Variants in LRP1B observed in about 807,000 individuals in gnomAD.
LRP1B encodes LDL receptor related protein 1B.
A neutral mutation model predicts 556.6 loss-of-function variants in LRP1B; 217 were observed. That is an observed-to-expected ratio of 0.39 (90% CI 0.35 to 0.44). LRP1B has a LOEUF of 0.44. Among genes scored for constraint, LRP1B ranks in the 20% least tolerant of loss-of-function variants. The pLI is 1.00. For synonymous variants in LRP1B, 2,047 were observed against 1,865.8 expected, an observed-to-expected ratio of 1.10 and a Z score of -2.50; for missense variants, 5,053 against 5,620.8, an observed-to-expected ratio of 0.90 and a Z score of 3.23.
chr2:141,119,592 C>T (rs564870417), intron 7 of LRP1B, among the ~76,000 whole-genome samples: 1 of 151,898 alleles, frequency 6.6e-6, no homozygotes, highest in African/African-American at 2.4e-5. Context: ...GATCAAAGTA[C>T]TTTAGTGACA....
chr2:140,955,645 A>G (rs764958584), intron 18 of LRP1B, among the ~76,000 whole-genome samples: 1 of 151,826 alleles, frequency 6.6e-6, no homozygotes, highest in Non-Finnish European at 1.5e-5. Context: ...TACAGGTAGT[A>G]TGCTCAATTT....
chr2:141,312,281 A>T (rs1033755662), intron 3 of LRP1B, among the ~76,000 whole-genome samples: 1 of 152,156 alleles, frequency 6.6e-6, no homozygotes, highest in Non-Finnish European at 1.5e-5. Context: ...TGTGAAGATG[A>T]CAAGGATGAA....
At chr2:141,814,082 C>A (rs1696450179) in intron 1 of LRP1B, among the ~76,000 whole-genome samples, 1 of 152,076 alleles carries the variant, frequency 6.6e-6, no homozygotes, top group Admixed American at 6.6e-5. Flanking sequence ...TCACTTTATG[C>A]AAATTAAGAC....
At chr2:140,360,561 CT>C (rs1054576150) in intron 72 of LRP1B, among the ~76,000 whole-genome samples, 11 of 151,544 alleles carry the variant, frequency 7.3e-5, no homozygotes, top group African/African-American at 2.2e-4. Context: ...TTCTAATTAA[CT>C]TCAAAATCAC....
chr2:140,809,819 C>G (rs143653677), intron 32 of LRP1B, among the ~76,000 whole-genome samples: 1 of 152,124 alleles, frequency 6.6e-6, no homozygotes, highest in Non-Finnish European at 1.5e-5. Flanking sequence ...TTTCTTCCCA[C>G]GTGTACTTCT....
chr2:142,040,069 C>T (rs1472025790), intron 1 of LRP1B, among the ~76,000 whole-genome samples: 2 of 151,472 alleles, frequency 1.3e-5, no homozygotes, highest in African/African-American at 4.8e-5. Context: ...GTCTTCCCAA[C>T]ATTTCCTCTC....
chr2:140,844,825 AAC>A (rs1692226243), intron 29 of LRP1B, among the ~76,000 whole-genome samples: 1 of 152,200 alleles, frequency 6.6e-6, no homozygotes, highest in Non-Finnish European at 1.5e-5. Context: ...TCAACATGCT[AAC>A]ACACACTCAC....
intron 71 of LRP1B, among the ~76,000 whole-genome samples, chr2:140,370,240 A>T (rs1682936749): frequency 6.6e-6 from 1 of 152,036 alleles, no homozygotes; most frequent in Non-Finnish European, 1.5e-5. Context: ...AAGGAAATTT[A>T]GGGATTTGGG....
chr2:140,388,524 G>A (rs1683866309), intron 66 of LRP1B, among the ~76,000 whole-genome samples: 1 of 152,052 alleles, frequency 6.6e-6, no homozygotes, highest in African/African-American at 2.4e-5. Flanking sequence ...AAACAAGTTA[G>A]AGTTCATTGC....
At chr2:141,600,745 T>A (rs7589324) in intron 2 of LRP1B, among the ~76,000 whole-genome samples, 8,233 of 152,120 alleles carry the variant, frequency 0.054, 321 homozygotes, top group African/African-American at 0.1. Flanking sequence ...TGCAACTAGA[T>A]GGCCCTTTAC....
At position 140,475,294 on chromosome 2, in the gene LRP1B, G is replaced by A. The variant is rs371536401; in HGVS notation, c.9469C>T (p.Arg3157Cys). 1.8e-4 allele frequency: 286 copies of A among 1,609,162 alleles called. 2 individuals carry two copies. The highest frequency in any genetic ancestry group is 5.5e-4 in the African/African-American group (41 of 74,756). ...IDCCEYPHIG[R>C]VGMDGTNQSV... ...TGATTGGTTCCATCCATTCCAACAC[G>A]GCCAATATGAGGATACTCGCAGCAG... Residue 3157 changes from arginine (R) to cysteine (C), a missense_variant, in exon 60 of 91, where the codon CGT becomes TGT. Around this residue, in one of 5 missense-constraint regions of LRP1B, gnomAD observed 3,619 missense variants for 3,931.9 expected, o/e 0.92. Transcript: ENST00000389484.
At chr2:141,690,440 T>TATAA in intron 2 of LRP1B, among the ~76,000 whole-genome samples, 1 of 132,810 alleles carries the variant, frequency 7.5e-6, no homozygotes, top group Non-Finnish European at 1.6e-5. Flanking sequence ...TATATATATA[T>TATAA]AATTACAAAT....
chr2:140,813,084 C>T (rs1690984212), intron 32 of LRP1B, among the ~76,000 whole-genome samples: 1 of 152,152 alleles, frequency 6.6e-6, no homozygotes, highest in Admixed American at 6.5e-5. Context: ...AGCCATACCT[C>T]CCTTTTAGCT....
At chr2:141,161,218 TA>T in intron 7 of LRP1B, among the ~76,000 whole-genome samples, 1 of 152,256 alleles carries the variant, frequency 6.6e-6, no homozygotes, top group Admixed American at 6.5e-5. Context: ...TTTTTACATA[TA>T]CCTCATGAAA....
intron 18 of LRP1B, among the ~76,000 whole-genome samples, chr2:140,955,091 G>C (rs1290612594): frequency 6.6e-6 from 1 of 151,946 alleles, no homozygotes; most frequent in African/African-American, 2.4e-5. Context: ...TAGAGATCAA[G>C]AAGTCAGAAG....
At chr2:141,295,293 C>T (rs1267409509) in intron 3 of LRP1B, among the ~76,000 whole-genome samples, 1 of 152,078 alleles carries the variant, frequency 6.6e-6, no homozygotes. Context: ...TTGATCAATT[C>T]TAAAAATGCT....
At chr2:141,888,567 T>A (rs1423531756) in intron 1 of LRP1B, among the ~76,000 whole-genome samples, 1 of 152,102 alleles carries the variant, frequency 6.6e-6, no homozygotes, top group Non-Finnish European at 1.5e-5. Flanking sequence ...AATCAAAAAC[T>A]ATAGGCTGAT....
At chr2:141,005,552 T>A (rs1573972713) in intron 14 of LRP1B, 95 bp from the exon 15 acceptor site, 1 of 994,892 alleles carries the variant, frequency 1.0e-6, no homozygotes, top group African/African-American at 1.7e-5. Context: ...TTATATATGC[T>A]ATGTATATTA....
chr2:141,394,337 C>T (rs16845984), intron 3 of LRP1B, among the ~76,000 whole-genome samples: 81,879 of 151,884 alleles, frequency 0.54, 23,957 homozygotes, highest in Non-Finnish European at 0.67. Flanking sequence ...AATGGGTTCA[C>T]CTTTGTTTTA....
Sources: gnomAD v4.1 joint callset for allele counts (sites outside exome capture counted in the v4.1 genomes callset) on GRCh38, gnomAD v4.1.1 for gene constraint, gnomAD v4.1.1 regional missense constraint, MANE v1.5 for transcripts, NCBI Gene and HGNC (gene_info 2026-07-23, HGNC 2026-07-21) for gene names.